The following FNDC3B variants were observed in gnomAD, a reference collection of about 807,000 sequenced individuals.
FNDC3B encodes the protein fibronectin type III domain containing 3B.
FNDC3B carries 12 observed loss-of-function variants against 151.5 expected under a neutral mutation model. The observed-to-expected ratio is 0.08, with a 90% CI of 0.05 to 0.13. The LOEUF (loss-of-function observed/expected upper bound fraction) is 0.13, where lower values mean the gene tolerates loss of function less well. Ranked by LOEUF, FNDC3B falls within the 10% of genes least tolerant of loss-of-function variation. FNDC3B has a pLI of 1.00. For synonymous variants in FNDC3B, 528 were observed against 549.0 expected, an observed-to-expected ratio of 0.96 and a Z score of 0.54; for missense variants, 1,214 against 1,505.3, an observed-to-expected ratio of 0.81 and a Z score of 3.20.
chr3:172,062,563 C>T (rs1211434282), intron 1 of FNDC3B, among the ~76,000 whole-genome samples: 1 of 152,110 alleles, frequency 6.6e-6, no homozygotes, highest in Non-Finnish European at 1.5e-5. Context: ...CGATTACAGG[C>T]GTGAGCCACC....
intron 3 of FNDC3B, among the ~76,000 whole-genome samples, chr3:172,218,851 A>G (rs1726129379): frequency 6.6e-6 from 1 of 152,206 alleles, no homozygotes; most frequent in East Asian, 1.9e-4. Context: ...TGGAGAGACC[A>G]GTATGCCTTC....
chr3:172,346,930 C>T (rs1283516394), intron 20 of FNDC3B, among the ~76,000 whole-genome samples: 5 of 152,072 alleles, frequency 3.3e-5, no homozygotes, highest in Non-Finnish European at 7.4e-5. Context: ...TCTCGAACTC[C>T]TTATCTTAGG....
intron 1 of FNDC3B, among the ~76,000 whole-genome samples, chr3:172,048,010 C>T (rs1361246023): frequency 6.6e-6 from 1 of 152,156 alleles, no homozygotes; most frequent in African/African-American, 2.4e-5. Flanking sequence ...ATTACATGTC[C>T]TTCTCCTCTA....
At chr3:172,111,096 T>TTA (rs1719937045) in intron 1 of FNDC3B, among the ~76,000 whole-genome samples, 1 of 104,780 alleles carries the variant, frequency 9.5e-6, no homozygotes, top group Non-Finnish European at 1.9e-5. Flanking sequence ...GAGACTCCAT[T>TTA]AAAAAAAAAA....
At chr3:172,176,286 A>T (rs565082253) in intron 3 of FNDC3B, among the ~76,000 whole-genome samples, 2 of 152,312 alleles carry the variant, frequency 1.3e-5, no homozygotes, top group South Asian at 4.1e-4. Flanking sequence ...AATTTTAAAG[A>T]AGTGGAGCTA....
intron 22 of FNDC3B, among the ~76,000 whole-genome samples, chr3:172,356,608 G>A (rs1177808508): frequency 1.3e-5 from 2 of 152,158 alleles, no homozygotes; most frequent in Non-Finnish European, 2.9e-5. Context: ...TGGTGTCAAA[G>A]GAGCTTTCAG....
chr3:172,090,074 C>T (rs1311493076), intron 1 of FNDC3B, among the ~76,000 whole-genome samples: 3 of 152,014 alleles, frequency 2.0e-5, no homozygotes, highest in African/African-American at 4.8e-5. Context: ...TAGTCTATTC[C>T]GAATTTCCAG....
intron 23 of FNDC3B, among the ~76,000 whole-genome samples, chr3:172,367,524 T>C (rs923577751): frequency 2.0e-5 from 3 of 152,206 alleles, no homozygotes; most frequent in African/African-American, 7.2e-5. Context: ...GAAAAATATA[T>C]CTCCAAAGTA....
intron 3 of FNDC3B, among the ~76,000 whole-genome samples, chr3:172,193,050 G>A (rs1297664902): frequency 6.6e-6 from 1 of 151,614 alleles, no homozygotes; most frequent in Admixed American, 6.6e-5. Flanking sequence ...TTGTCCTTTT[G>A]TCCTATCTCT....
intron 3 of FNDC3B, among the ~76,000 whole-genome samples, chr3:172,156,712 T>C (rs530222261): frequency 0.021 from 2,811 of 131,604 alleles, 69 homozygotes; most frequent in African/African-American, 0.058. Context: ...TTTTTTTTTT[T>C]CCCCACTGTC....
intron 25 of FNDC3B, among the ~76,000 whole-genome samples, chr3:172,390,056 A>G (rs1735928630): frequency 6.6e-6 from 1 of 151,822 alleles, no homozygotes; most frequent in Non-Finnish European, 1.5e-5. Flanking sequence ...CAGAATATCT[A>G]CTCTTTGAGT....
At chr3:172,295,280 T>G in intron 7 of FNDC3B, 83 bp from the exon 8 acceptor site, 3 of 1,306,276 alleles carry the variant, frequency 2.3e-6, no homozygotes, top group Non-Finnish European at 3.2e-6. Context: ...GGATTAACTG[T>G]GAGCCAGTTT....
intron 2 of FNDC3B, among the ~76,000 whole-genome samples, chr3:172,124,839 G>A (rs1720731454): frequency 1.3e-5 from 2 of 152,212 alleles, no homozygotes; most frequent in Non-Finnish European, 2.9e-5. Flanking sequence ...CTATTGGGGA[G>A]GGCTTACGAG....
In FNDC3B at chr3:172,162,743, C is replaced by T. The variant is rs544241072; in HGVS notation, c.187+29197C>T. ...TGTTGATGTTTTTCCTGCCAGGGAT[C>T]GGCATTCACATACTTAAGGAAGTAG... On this transcript the variant is annotated intron_variant, in intron 3 of 25. Coordinates refer to ENST00000415807, the MANE Select transcript of FNDC3B (RefSeq NM_022763.4). Among the ~76,000 whole-genome samples the T allele has an allele frequency of 1.4e-4, 21 of 149,942 alleles. 1 individual carries two copies. The South Asian group carries it at 1.5e-3, about 11-fold the overall frequency.
intron 1 of FNDC3B, among the ~76,000 whole-genome samples, chr3:172,054,409 A>G (rs894974512): frequency 1.3e-5 from 2 of 152,214 alleles, no homozygotes; most frequent in Non-Finnish European, 2.9e-5. Context: ...GCTCGACTCC[A>G]TCTTTAGAAA....
At chr3:172,192,661 CAT>C (rs1382206468) in intron 3 of FNDC3B, among the ~76,000 whole-genome samples, 9 of 152,064 alleles carry the variant, frequency 5.9e-5, no homozygotes, top group African/African-American at 1.7e-4. Context: ...GGTTCACTCA[CAT>C]GTGTTTATTC....
intron 13 of FNDC3B, 47 bp from the exon 14 acceptor site, chr3:172,333,042 C>A: frequency 1.6e-6 from 2 of 1,223,910 alleles, no homozygotes; most frequent in Non-Finnish European, 2.4e-6. Flanking sequence ...GTATTTAATG[C>A]CCAGAATTTT....
rs748224819 is a variant in FNDC3B at position 172,333,488 on chromosome 3, ATTTTTTTTTTTTT to A, written c.1641+329_1641+341del. Among the ~76,000 whole-genome samples, 6 of 102,830 alleles carry A rather than the reference ATTTTTTTTTTTTT, an allele frequency of 5.8e-5. No homozygotes were observed. The South Asian group carries it at 1.9e-3, about 32-fold the overall frequency. 67.5% of individuals were successfully genotyped at this position (102,830 alleles called of 152,430 possible). On this transcript the variant is annotated intron_variant, in intron 14 of 25. Transcript: ENST00000415807. ...AGGCGTGTGCCACTATGCCCGGCTA[ATTTTTTTTTTTTT>A]TTTTTTTTTTTTTTTGTATTTTTAG... is the stretch of plus-strand genomic sequence containing the variant.
rs1452854929 is a variant in FNDC3B at position 172,352,528 on chromosome 3, T to C, written c.2515-275T>C. Among the ~76,000 whole-genome samples, 1 of 152,162 alleles carries C rather than the reference T, an allele frequency of 6.6e-6. No homozygotes were observed. Among genetic ancestry groups the C allele is most frequent in the Non-Finnish European group, 1.5e-5 (1 of 68,028 alleles). ...TATGAAGATCGTGTAAGATGATGTA[T>C]AAACTGAAATAGGTCATGCAAATAT... is the stretch of plus-strand genomic sequence containing the variant. On this transcript the variant is annotated intron_variant, in intron 21 of 25. Coordinates refer to ENST00000415807, the MANE Select transcript of FNDC3B (RefSeq NM_022763.4). This position sits in a 1 kb window ranked among gnomAD's most constrained non-coding sequence, Gnocchi z 4.2.
Sources: gnomAD v4.1 joint callset for allele counts (sites outside exome capture counted in the v4.1 genomes callset) on GRCh38, gnomAD v4.1.1 for gene constraint, Gnocchi (gnomAD v3.1) non-coding constraint, MANE v1.5 for transcripts, NCBI Gene and HGNC (gene_info 2026-07-23, HGNC 2026-07-21) for gene names.